The following VRK1 variants were observed in gnomAD, a reference collection of about 807,000 sequenced individuals.
VRK1 encodes VRK serine/threonine kinase 1.
VRK1 carries 33 observed loss-of-function variants against 57.1 expected under a neutral mutation model. The ratio of observed to expected loss-of-function variants is 0.58; its 90% confidence interval spans 0.44 to 0.77. The LOEUF (loss-of-function observed/expected upper bound fraction) is 0.77, where lower values mean the gene tolerates loss of function less well. VRK1 is among the 30% of genes least tolerant of loss of function. VRK1 has a pLI of 0.00. For missense variants in VRK1, 413 were observed against 477.3 expected, an observed-to-expected ratio of 0.87 and a Z score of 1.25; for synonymous variants, 137 against 147.8, an observed-to-expected ratio of 0.93 and a Z score of 0.53.
intron 1 of VRK1, among the ~76,000 whole-genome samples, chr14:96,814,702 A>G (rs1211847400): frequency 2.0e-5 from 3 of 152,296 alleles, no homozygotes; most frequent in African/African-American, 7.2e-5. Flanking sequence ...ATTCAAGCAT[A>G]TGCAGCATAT....
At chr14:96,839,964 G>A (rs1457118714) in intron 3 of VRK1, among the ~76,000 whole-genome samples, 1 of 152,178 alleles carries the variant, frequency 6.6e-6, no homozygotes, top group Non-Finnish European at 1.5e-5. Context: ...TAGTCATGGT[G>A]TATTATAGTT....
chr14:96,837,713 T>C, intron 2 of VRK1, 49 bp from the exon 3 acceptor site: 1 of 1,192,516 alleles, frequency 8.4e-7, no homozygotes, highest in Non-Finnish European at 1.2e-6. Flanking sequence ...TATTAATATA[T>C]TTATAATATT....
chr14:96,806,459 T>G (rs1408722473), intron 1 of VRK1, among the ~76,000 whole-genome samples: 1 of 152,238 alleles, frequency 6.6e-6, no homozygotes, highest in East Asian at 1.9e-4. Context: ...GAATATGTGC[T>G]TGTTCATTTC....
intron 1 of VRK1, among the ~76,000 whole-genome samples, chr14:96,816,042 C>G (rs186708649): frequency 1.3e-5 from 2 of 152,154 alleles, no homozygotes; most frequent in African/African-American, 4.8e-5. Context: ...GGAAAATGTA[C>G]AGAAGGAACC....
chr14:96,860,502 A>T, intron 10 of VRK1, 55 bp from the exon 11 acceptor site: 1 of 1,493,530 alleles, frequency 6.7e-7, no homozygotes, highest in Non-Finnish European at 9.1e-7. Flanking sequence ...TATTTTTTTT[A>T]GAGGTTAGAG....
chr14:96,809,233 C>T (rs1046161331), intron 1 of VRK1, among the ~76,000 whole-genome samples: 1 of 152,158 alleles, frequency 6.6e-6, no homozygotes, highest in African/African-American at 2.4e-5. Context: ...ATCTCACCTC[C>T]ACCATACTCT....
intron 1 of VRK1, among the ~76,000 whole-genome samples, chr14:96,804,918 C>T (rs1885809825): frequency 6.6e-6 from 1 of 152,200 alleles, no homozygotes; most frequent in Non-Finnish European, 1.5e-5. Context: ...GACTTCCAAA[C>T]TGTTTCGTAT....
intron 1 of VRK1, among the ~76,000 whole-genome samples, chr14:96,801,357 T>C (rs557831083): frequency 1.3e-5 from 2 of 152,332 alleles, no homozygotes; most frequent in South Asian, 4.1e-4. Context: ...TAGTGCATTG[T>C]GATTGCGTTT....
Position 96,829,979 on chromosome 14 carries a change from A to G in VRK1, c.-5-3488A>G, listed in dbSNP as rs193187978. ...ATATTGATAACACTTAGCAGTCTTTATACTCGAAATTTAGCTGGGTATAAA... is the reference window on the plus strand; with the variant it reads ...ATATTGATAACACTTAGCAGTCTTTGTACTCGAAATTTAGCTGGGTATAAA... On this transcript the variant is annotated intron_variant, in intron 1 of 12. Transcript: ENST00000216639. 2.8e-3 allele frequency among the ~76,000 whole-genome samples: 419 copies of G among 152,236 alleles called. 1 individual carries two copies. Among genetic ancestry groups the G allele is most frequent in the South Asian group, 9.5e-3 (46 of 4,826 alleles).
chr14:96,817,361 T>C (rs1260817813), intron 1 of VRK1, among the ~76,000 whole-genome samples: 2 of 152,148 alleles, frequency 1.3e-5, no homozygotes, highest in African/African-American at 4.8e-5. Context: ...TTTGAATTTG[T>C]TTATGGCTTT....
intron 1 of VRK1, among the ~76,000 whole-genome samples, chr14:96,832,624 T>C (rs1887051765): frequency 6.6e-6 from 1 of 152,144 alleles, no homozygotes; most frequent in Non-Finnish European, 1.5e-5. Context: ...AGTACTCTTT[T>C]CACAATAAAA....
intron 7 of VRK1, among the ~76,000 whole-genome samples, chr14:96,854,777 CAT>C (rs1888083821): frequency 6.6e-6 from 1 of 152,092 alleles, no homozygotes; most frequent in South Asian, 2.1e-4. Flanking sequence ...AGGTAACTAA[CAT>C]ATCATGTGTC....
At position 96,821,384 on chromosome 14, in the gene VRK1, CT is replaced by C. The variant is rs1886590242; in HGVS notation, c.-5-12082del. On this transcript the variant is annotated intron_variant, in intron 1 of 12. Transcript: ENST00000216639. ...CATCTGTCACTAATACCAATTGTTT[CT>C]ACTTGGCACTGCAGACTTGTTTTTT... 3.9e-5 allele frequency among the ~76,000 whole-genome samples: 6 copies of C among 152,176 alleles called. No individual in the cohort carries two copies. The South Asian group carries it at 1.2e-3, about 32-fold the overall frequency.
Position 96,822,537 on chromosome 14 carries a change from G to A in VRK1, c.-5-10930G>A, listed in dbSNP as rs185914363. ...TGCAAAACCATTCCTATCGTGAGGT[G>A]ACTTGTGACAGAGGCACTACAGAAG... On this transcript the variant is annotated intron_variant, in intron 1 of 12. Transcript: ENST00000216639. Among the ~76,000 whole-genome samples the A allele has an allele frequency of 9.3e-4, 142 of 152,322 alleles. 3 individuals are homozygous for A. Among genetic ancestry groups the A allele is most frequent in the Non-Finnish European group, 7.4e-5 (5 of 68,016 alleles).
chr14:96,801,873 A>G (rs937360791), intron 1 of VRK1, among the ~76,000 whole-genome samples: 9 of 152,182 alleles, frequency 5.9e-5, no homozygotes, highest in African/African-American at 2.2e-4. Context: ...AGGAGGAGGA[A>G]CAAGAGGAGA....
At chr14:96,809,408 C>A (rs909549470) in intron 1 of VRK1, among the ~76,000 whole-genome samples, 1 of 152,076 alleles carries the variant, frequency 6.6e-6, no homozygotes, top group Admixed American at 6.6e-5. Flanking sequence ...TGAATAGTTT[C>A]TATTTTGAGG....
chr14:96,856,065 T>G, intron 8 of VRK1, 65 bp from the exon 9 acceptor site: 1 of 1,558,758 alleles, frequency 6.4e-7, no homozygotes, highest in Non-Finnish European at 8.8e-7. Flanking sequence ...TTACTTTATA[T>G]ATACTTTAAA....
At chr14:96,855,636 T>G (rs1888124863) in intron 8 of VRK1, among the ~76,000 whole-genome samples, 3 of 152,198 alleles carry the variant, frequency 2.0e-5, no homozygotes, top group Non-Finnish European at 4.4e-5. Context: ...TTATTTAGTT[T>G]AATTGGAATG....
chr14:96,814,234 TAG>T, intron 1 of VRK1, among the ~76,000 whole-genome samples: 1 of 152,228 alleles, frequency 6.6e-6, no homozygotes, highest in Admixed American at 6.5e-5. Flanking sequence ...CTTTAAAGAC[TAG>T]AGACTATTGC....
Sources: gnomAD v4.1 joint callset for allele counts (sites outside exome capture counted in the v4.1 genomes callset) on GRCh38, gnomAD v4.1.1 for gene constraint, MANE v1.5 for transcripts, NCBI Gene and HGNC (gene_info 2026-07-23, HGNC 2026-07-21) for gene names.